EEF1B2: variants seen among roughly 807,000 people sequenced by gnomAD.
EEF1B2 encodes the protein elongation factor 1-beta.
EEF1B2 carries 12 observed loss-of-function variants against 28.3 expected under a neutral mutation model. That is an observed-to-expected ratio of 0.42 (90% confidence interval 0.27 to 0.69). The LOEUF is 0.69. Ranked by LOEUF, EEF1B2 falls within the 30% of genes least tolerant of loss-of-function variation. EEF1B2 has a pLI of 0.22. For missense variants in EEF1B2, 234 were observed against 272.6 expected, an observed-to-expected ratio of 0.86 and a Z score of 1.00; for synonymous variants, 83 against 99.9, an observed-to-expected ratio of 0.83 and a Z score of 1.01.
chr2:206,162,026 T>G lies in EEF1B2; in HGVS notation c.331-12T>G. On this transcript the variant is annotated splice_polypyrimidine_tract_variant and intron_variant, in intron 3 of 5. Transcript: ENST00000392222. ...CAGCTTTCTGAAGTGGATTAATTTT[T>G]TTTCTTTACAGGAAAGTGAAGAAGC... 6.2e-7 allele frequency: 1 copy of G among 1,613,440 alleles called. No homozygotes were observed. The highest frequency in any genetic ancestry group is 8.5e-7 in the Non-Finnish European group (1 of 1,179,468).
In EEF1B2 at chr2:206,162,809, A is replaced by G. The variant is rs746878595; in HGVS notation, c.604A>G (p.Met202Val). The G allele has an allele frequency of 5.6e-6, 9 of 1,607,704 alleles. No individual in the cohort carries two copies. The highest frequency in any genetic ancestry group is 1.1e-5 in the South Asian group (1 of 91,062). Residue 202 changes from methionine to valine, a missense_variant, in exon 6 of 6, where the codon ATG becomes GTG. Around this residue, in one of 2 missense-constraint regions of EEF1B2, gnomAD observed 56 missense variants for 99.3 expected, o/e 0.56. Transcript: ENST00000392222. ...TGAAGATGATAAAGTTGGAACAGATATGCTGGAGGAGCAGATCACTGCTTT... is the reference window on the plus strand; with the variant it reads ...TGAAGATGATAAAGTTGGAACAGATGTGCTGGAGGAGCAGATCACTGCTTT... ...VVEDDKVGTDMLEEQITAFED... is the reference protein window; with the variant it reads ...VVEDDKVGTDVLEEQITAFED...
rs568250532 is a variant in EEF1B2, at chr2:206,162,687, C to T, written c.524-42C>T. ...TTGCCTACAGTTTCAACCTTTCCTA[C>T]AAGACTTTTCTAACTAGGATTTTTC... On this transcript the variant is annotated intron_variant, in intron 5 of 5. Transcript: ENST00000392222. 56 of 1,610,272 alleles carry T rather than the reference C, an allele frequency of 3.5e-5. No individual in the cohort carries two copies. The African/African-American group carries it at 6.6e-4, about 19-fold the overall frequency.
Position 206,162,203 on chromosome 2 carries a change from A to C in EEF1B2, c.397+99A>C. The C allele has an allele frequency of 3.1e-6, 4 of 1,270,002 alleles. No homozygotes were observed. The South Asian group carries it at 4.8e-5, about 15-fold the overall frequency. 78.7% of individuals were successfully genotyped at this position (1,270,002 alleles called of 1,614,324 possible). On this transcript the variant is annotated intron_variant, in intron 4 of 5. Transcript: ENST00000392222. ...TTCCTCCACATTCCTTGAATAGGTC[A>C]ATATTTTAAAACCTGTACAGGTTCT...
At chr2:206,162,323 A>T (rs893814080) in intron 4 of EEF1B2, 166 bp from the exon 5 acceptor site, 1 of 1,267,994 alleles carries the variant, frequency 7.9e-7, no homozygotes, top group Non-Finnish European at 1.2e-6. Context: ...CTTTCTTAGC[A>T]AAACAGAAAG....
intron 4 of EEF1B2, 132 bp from the exon 5 acceptor site, chr2:206,162,357 C>A (rs1320723760): frequency 4.2e-6 from 6 of 1,434,134 alleles, no homozygotes; most frequent in Non-Finnish European, 5.9e-6. Context: ...GTGACAGACA[C>A]AAGATGTATC....
In EEF1B2 at chr2:206,160,206, TCTCCC is replaced by T; in HGVS notation, c.80+148_80+152del. 6.4e-6 allele frequency: 7 copies of T among 1,097,496 alleles called. 1 individual carries two copies. In the South Asian group the frequency reaches 1.1e-4, roughly 17 times the overall value. 68.0% of individuals were successfully genotyped at this position (1,097,496 alleles called of 1,614,324 possible). On this transcript the variant is annotated intron_variant, in intron 1 of 5. Transcript: ENST00000392222. ...GGGAGGGGAAAGCGCCCCGTTGCCG[TCTCCC>T]AAGGCCCTCGTGTGGGGCGAGCCCG...
At chr2:206,160,960 G>T (rs1687911353) in intron 2 of EEF1B2, 1 of 708,794 alleles carries the variant, frequency 1.4e-6, no homozygotes, top group African/African-American at 1.7e-5. Context: ...TGACCTGGGG[G>T]GCCCACCTCT....
chr2:206,160,042 C>G lies in EEF1B2; in HGVS notation c.63C>G (p.Asp21Glu). 1 of 1,613,272 alleles carries G rather than the reference C, an allele frequency of 6.2e-7. No individual in the cohort carries two copies. Among genetic ancestry groups the G allele is most frequent in the Non-Finnish European group, 8.5e-7 (1 of 1,179,694 alleles). The change falls in exon 1 of 6, where the codon GAC (aspartate) becomes GAG (glutamate). Residue 21 changes from aspartate (D) to glutamate (E), a missense_variant. By Grantham distance (45) the Asp-to-Glu change is conservative. Coordinates refer to ENST00000392222, the MANE Select transcript of EEF1B2 (RefSeq NM_001959.4). ...GLQVLNDYLA[D>E]KSYIEGYVPS... The stretch of plus-strand genomic sequence containing the variant: ...AGGTGCTCAACGATTACCTGGCGGA[C>G]AAGAGCTACATCGAGGGGTGAGCGG...
chr2:206,161,247 G>T, intron 2 of EEF1B2, 99 bp from the exon 3 acceptor site: 1 of 1,526,320 alleles, frequency 6.6e-7, no homozygotes, highest in South Asian at 1.2e-5. Context: ...TTGCAAAAGG[G>T]ATCTAGTGAT....
At chr2:206,159,614 C>T (rs754423321), upstream of EEF1B2, 3 of 228,430 alleles carry the variant, frequency 1.3e-5, no homozygotes, top group African/African-American at 4.6e-5. Flanking sequence ...GCCCCAGCCT[C>T]GAGGCCGGGC....
At chr2:206,162,456 C>T (rs199531068) in intron 4 of EEF1B2, 33 bp from the exon 5 acceptor site, 18 of 1,609,564 alleles carry the variant, frequency 1.1e-5, no homozygotes, top group Non-Finnish European at 1.5e-5. Context: ...AAATACAATT[C>T]ATTATTTGAA....
chr2:206,161,703 G>A (rs1687937535), intron 3 of EEF1B2: 1 of 553,872 alleles, frequency 1.8e-6, no homozygotes, highest in East Asian at 3.5e-5. Flanking sequence ...CTAGGAAGCG[G>A]AGGTTGCAGT....
At chr2:206,162,236 C>A in intron 4 of EEF1B2, 132 bp downstream of exon 4, 2 of 1,100,916 alleles carry the variant, frequency 1.8e-6, no homozygotes, top group Non-Finnish European at 2.8e-6. Context: ...TCTTCCACAG[C>A]TACTGGTCTG....
In EEF1B2 at chr2:206,160,579, C is replaced by T. The variant is rs1451331847; in HGVS notation, c.81-9C>T. ...AAGGTGTGTGTGAATGTTTCTGTGT[C>T]CTTGGCAGGTATGTGCCATCACAAG... is the stretch of plus-strand genomic sequence containing the variant. On this transcript the variant is annotated splice_polypyrimidine_tract_variant and intron_variant, in intron 1 of 5. Coordinates refer to ENST00000392222, the MANE Select transcript of EEF1B2 (RefSeq NM_001959.4). The T allele has an allele frequency of 1.2e-6, 2 of 1,613,970 alleles. No individual in the cohort carries two copies. Among genetic ancestry groups the T allele is most frequent in the Non-Finnish European group, 1.7e-6 (2 of 1,179,984 alleles).
Position 206,159,942 on chromosome 2 carries a change from T to C in EEF1B2, c.-38T>C, listed in dbSNP as rs747868047. On this transcript the variant is annotated 5_prime_UTR_variant, in exon 1 of 6. Coordinates refer to ENST00000392222, the MANE Select transcript of EEF1B2 (RefSeq NM_001959.4). ...GGGCGCCCACAATTTGCGCGCTCTC[T>C]TTCTGCTGCTCCCCAGCTCTCGGAT... is the stretch of plus-strand genomic sequence containing the variant. The C allele has an allele frequency of 1.9e-6, 3 of 1,603,962 alleles. No individual in the cohort carries two copies. The highest frequency in any genetic ancestry group is 1.7e-5 in the Admixed American group (1 of 57,924).
intron 1 of EEF1B2, 34 bp from the exon 2 acceptor site, chr2:206,160,554 A>G (rs767301288): frequency 2.5e-6 from 4 of 1,613,306 alleles, no homozygotes; most frequent in Admixed American, 1.7e-5. Context: ...TTGTTTTTCA[A>G]AGGTGTGTGT....
intron 4 of EEF1B2, 120 bp downstream of exon 4, chr2:206,162,224 G>T: frequency 8.7e-7 from 1 of 1,151,606 alleles, no homozygotes; most frequent in Non-Finnish European, 1.3e-6. Flanking sequence ...ACCTGTACAG[G>T]TTCTTCCACA....
Position 206,162,843 on chromosome 2 carries a change from A to G in EEF1B2, c.638A>G (p.Tyr213Cys). Residue 213 changes from tyrosine to cysteine, a missense_variant, in exon 6 of 6, where the codon TAT becomes TGT. Transcript: ENST00000392222. ...LEEQITAFEDYVQSMDVAAFN... is the reference protein window; with the variant it reads ...LEEQITAFEDCVQSMDVAAFN... ...GAGCAGATCACTGCTTTTGAGGACT[A>G]TGTGCAGTCCATGGATGTGGCTGCT... The G allele has an allele frequency of 3.7e-6, 6 of 1,602,264 alleles. No homozygotes were observed. Among genetic ancestry groups the G allele is most frequent in the African/African-American group, 1.3e-5 (1 of 75,038 alleles).
rs1448892332 is a variant in EEF1B2, at chr2:206,162,062, AGGGAAGAACGTCTTGCACAATATG to A, written c.356_379del (p.Arg119_Glu127delinsLys). 6.2e-7 allele frequency: 1 copy of A among 1,614,158 alleles called. No individual in the cohort carries two copies. The highest frequency in any genetic ancestry group is 2.2e-5 in the East Asian group (1 of 44,872). On this transcript the variant is annotated inframe_deletion, in exon 4 of 6. Transcript: ENST00000392222. ...GGAAAGTGAAGAAGCAAAGAGGCTA[AGGGAAGAACGTCTTGCACAATATG>A]AATCAAAGAAAGCCAAAAGTAGGTC...
Sources: gnomAD v4.1 joint callset for allele counts on GRCh38, gnomAD v4.1.1 for gene constraint, gnomAD v4.1.1 regional missense constraint, MANE v1.5 for transcripts, NCBI Gene and HGNC (gene_info 2026-07-23, HGNC 2026-07-21) for gene names.